The following NXPH2 variants were observed in gnomAD, a reference collection of about 807,000 sequenced individuals.
NXPH2 encodes the protein neurexophilin 2.
In NXPH2, 5 loss-of-function variants were observed where a neutral mutation model predicts 19.8. The observed-to-expected ratio is 0.25, with a 90% CI of 0.13 to 0.53. The LOEUF (loss-of-function observed/expected upper bound fraction) is 0.53. NXPH2 is among the 20% of genes least tolerant of loss of function. The pLI, the probability that NXPH2 is intolerant of heterozygous loss-of-function variation, is 0.96. For synonymous variants in NXPH2, 154 were observed against 127.4 expected (o/e 1.21, Z -1.41); for missense variants, 289 against 322.8 (o/e 0.90, Z 0.80).
chr2:138,715,930 G>A (rs1449377951), intron 1 of NXPH2, among the ~76,000 whole-genome samples: 1 of 152,150 alleles, frequency 6.6e-6, no homozygotes, highest in African/African-American at 2.4e-5. Context: ...CTGGGGTGGG[G>A]TGAGGGCTAG....
intron 1 of NXPH2, among the ~76,000 whole-genome samples, chr2:138,718,508 G>A (rs1471670212): frequency 1.3e-5 from 2 of 152,182 alleles, no homozygotes; most frequent in Non-Finnish European, 2.9e-5. Flanking sequence ...CAGAAAGCTT[G>A]TTGCCCTCAC....
intron 1 of NXPH2, among the ~76,000 whole-genome samples, chr2:138,688,960 G>C (rs1680705602): frequency 6.6e-6 from 1 of 152,084 alleles, no homozygotes; most frequent in South Asian, 2.1e-4. Flanking sequence ...CCAATGCCTT[G>C]GGCAATAAAG....
chr2:138,778,643 T>C (rs752185612), intron 1 of NXPH2, among the ~76,000 whole-genome samples: 8 of 152,188 alleles, frequency 5.3e-5, no homozygotes, highest in Non-Finnish European at 1.2e-4. Context: ...AGACCCCACA[T>C]AAACACCTGA....
rs1395207026 is a variant in NXPH2 at position 138,671,014 on chromosome 2, T to G, written c.703A>C (p.Ile235Leu). The change falls in exon 2 of 2, where the codon ATT (isoleucine) becomes CTT (leucine). Residue 235 changes from isoleucine to leucine, a missense_variant. Transcript: ENST00000272641. The stretch of plus-strand genomic sequence containing the variant: ...TTATAATCAACACTGTAAAAGGCAA[T>G]GTAAATGCAAATGACCTTGAAGGGC... Reference protein sequence around the residue: ...SKPFKVICIYIAFYSVDYKLV... With the variant: ...SKPFKVICIYLAFYSVDYKLV... The G allele has an allele frequency of 6.2e-7, 1 of 1,613,862 alleles. No homozygotes were observed. Among genetic ancestry groups the G allele is most frequent in the Non-Finnish European group, 8.5e-7 (1 of 1,179,880 alleles).
intron 1 of NXPH2, among the ~76,000 whole-genome samples, chr2:138,718,255 G>C (rs886462150): frequency 4.0e-5 from 6 of 151,872 alleles, no homozygotes; most frequent in Admixed American, 1.3e-4. Context: ...ACATACTGTT[G>C]AAATTAGTGA....
At chr2:138,769,708 A>T (rs561016499) in intron 1 of NXPH2, among the ~76,000 whole-genome samples, 1 of 152,314 alleles carries the variant, frequency 6.6e-6, no homozygotes, top group East Asian at 1.9e-4. Flanking sequence ...GGCAGCTACC[A>T]GGAGGCTCCC....
chr2:138,736,785 A>C (rs114069831), intron 1 of NXPH2, among the ~76,000 whole-genome samples: 3,173 of 152,306 alleles, frequency 0.021, 50 homozygotes, highest in Non-Finnish European at 0.033. Context: ...CTTTAACAGC[A>C]TCCGAGTCAC....
intron 1 of NXPH2, among the ~76,000 whole-genome samples, chr2:138,690,201 T>C (rs912714548): frequency 1.3e-5 from 2 of 152,216 alleles, no homozygotes; most frequent in Non-Finnish European, 2.9e-5. Flanking sequence ...CAAGTTCTTC[T>C]TGATACCTCC....
At chr2:138,779,712 T>C (rs1430458213) in intron 1 of NXPH2, among the ~76,000 whole-genome samples, 6 of 152,182 alleles carry the variant, frequency 3.9e-5, no homozygotes, top group African/African-American at 1.4e-4. Context: ...CGCCACTACC[T>C]GGCTCTGAGA....
intron 1 of NXPH2, among the ~76,000 whole-genome samples, chr2:138,749,979 G>T (rs75740996): frequency 0.043 from 6,469 of 152,210 alleles, 160 homozygotes; most frequent in African/African-American, 0.06. Context: ...CAGGTGTCCA[G>T]TCTCAAATAA....
In NXPH2 at chr2:138,671,354, A is replaced by G; in HGVS notation, c.363T>C (p.Ile121=). Residue 121 remains isoleucine (I), a synonymous_variant, in exon 2 of 2, where the codon ATT becomes ATC. Coordinates refer to ENST00000272641, the MANE Select transcript of NXPH2 (RefSeq NM_007226.3). ...TGAGGAGATTGAGTTTGACAGTTTT[A>G]ATGTTGGAATGAAAGTCACCCCATC... ...MFGWGDFHSN[I]KTVKLNLLIT... is the part of the protein sequence containing the mutation. 6.2e-7 allele frequency: 1 copy of G among 1,613,900 alleles called. No individual in the cohort carries two copies. The highest frequency in any genetic ancestry group is 1.3e-5 in the African/African-American group (1 of 75,046).
intron 1 of NXPH2, among the ~76,000 whole-genome samples, chr2:138,764,588 G>A (rs1042519868): frequency 6.6e-6 from 1 of 152,120 alleles, no homozygotes; most frequent in Non-Finnish European, 1.5e-5. Flanking sequence ...AATTTTTAGC[G>A]CAAATATTTT....
chr2:138,753,335 T>C (rs1054599624), intron 1 of NXPH2, among the ~76,000 whole-genome samples: 4 of 152,178 alleles, frequency 2.6e-5, no homozygotes, highest in Non-Finnish European at 5.9e-5. Flanking sequence ...GCTTGTGGTT[T>C]GTGTTGATAA....
chr2:138,722,362 G>A (rs1255281128), intron 1 of NXPH2, among the ~76,000 whole-genome samples: 3 of 152,224 alleles, frequency 2.0e-5, no homozygotes, highest in East Asian at 3.8e-4. Flanking sequence ...ATGCCCTACA[G>A]CAGAAGAAAG....
At chr2:138,778,963 G>A (rs1682308205) in intron 1 of NXPH2, among the ~76,000 whole-genome samples, 1 of 152,158 alleles carries the variant, frequency 6.6e-6, no homozygotes, top group Non-Finnish European at 1.5e-5. Flanking sequence ...TGGACCACGG[G>A]CATCTCAGAG....
intron 1 of NXPH2, among the ~76,000 whole-genome samples, chr2:138,709,372 T>C (rs1034215576): frequency 6.6e-6 from 1 of 152,176 alleles, no homozygotes. Context: ...TAACAGACTT[T>C]ATTTTTTAGA....
At chr2:138,727,072 T>A (rs1328527079) in intron 1 of NXPH2, among the ~76,000 whole-genome samples, 1 of 152,192 alleles carries the variant, frequency 6.6e-6, no homozygotes, top group African/African-American at 2.4e-5. Context: ...CTTAGTAATA[T>A]GCATTTAAGG....
At chr2:138,754,695 G>A (rs754507232) in intron 1 of NXPH2, among the ~76,000 whole-genome samples, 14 of 152,152 alleles carry the variant, frequency 9.2e-5, no homozygotes, top group Non-Finnish European at 1.2e-4. Flanking sequence ...AAACCTATTG[G>A]GTAAATATCT....
chr2:138,745,280 A>G (rs554143573), intron 1 of NXPH2, among the ~76,000 whole-genome samples: 2 of 152,322 alleles, frequency 1.3e-5, no homozygotes, highest in Non-Finnish European at 2.9e-5. Flanking sequence ...ATATTAACAA[A>G]TTGCTTTCTT....
Sources: allele counts gnomAD v4.1 joint callset (sites outside exome capture counted in the v4.1 genomes callset), GRCh38; gene constraint gnomAD v4.1.1; transcripts MANE v1.5; gene names NCBI Gene and HGNC (gene_info 2026-07-23, HGNC 2026-07-21).